The following PADI2 variants were observed in gnomAD, a reference collection of about 807,000 sequenced individuals.
The protein encoded by PADI2 is peptidyl arginine deiminase 2.
In PADI2, 70 loss-of-function variants were observed where a neutral mutation model predicts 81.1. The ratio of observed to expected loss-of-function variants is 0.86; its 90% confidence interval spans 0.71 to 1.05. The LOEUF (loss-of-function observed/expected upper bound fraction) is 1.05, where lower values mean the gene tolerates loss of function less well. PADI2 is among the 50% of genes least tolerant of loss of function. PADI2 has a pLI of 0.00. For missense variants in PADI2, 853 were observed against 889.9 expected, an observed-to-expected ratio of 0.96 and a Z score of 0.53; for synonymous variants, 338 against 358.0, an observed-to-expected ratio of 0.94 and a Z score of 0.63.
intron 6 of PADI2, among the ~76,000 whole-genome samples, chr1:17,090,524 T>C (rs1161778575): frequency 6.6e-6 from 1 of 151,746 alleles, no homozygotes; most frequent in Non-Finnish European, 1.5e-5. Flanking sequence ...AACTCCAAAG[T>C]GTTTGCCTGG....
chr1:17,075,023 G>GGGTCCTCAGCGC, intron 12 of PADI2, 74 bp from the exon 13 acceptor site: 1 of 913,042 alleles, frequency 1.1e-6, no homozygotes, highest in Non-Finnish European at 1.7e-6. Context: ...GCCCTGCGCT[G>GGGTCCTCAGCGC]AGGACCCAGT....
chr1:17,102,757 G>GGGT (rs1361714188), intron 3 of PADI2, among the ~76,000 whole-genome samples: 3 of 151,362 alleles, frequency 2.0e-5, no homozygotes, highest in South Asian at 2.1e-4. Flanking sequence ...CACTTGGGGG[G>GGGT]GGGTTGCTGA....
At chr1:17,118,424 A>C (rs1931828836) in intron 1 of PADI2, among the ~76,000 whole-genome samples, 1 of 152,134 alleles carries the variant, frequency 6.6e-6, no homozygotes, top group Admixed American at 6.5e-5. Context: ...ACACCTTTCC[A>C]AGGCCCCGTC....
At chr1:17,096,033 G>A in intron 3 of PADI2, 63 bp from the exon 4 acceptor site, 3 of 1,323,948 alleles carry the variant, frequency 2.3e-6, no homozygotes, top group Non-Finnish European at 3.2e-6. Context: ...AGGGGCAAGA[G>A]GAAGACCTGT....
intron 7 of PADI2, 59 bp from the exon 8 acceptor site, chr1:17,084,761 C>G (rs2078373188): frequency 9.4e-7 from 1 of 1,068,168 alleles, no homozygotes; most frequent in Non-Finnish European, 1.4e-6. Flanking sequence ...CTTTCTTTGC[C>G]TGCCTTTCAA....
chr1:17,089,786 C>T (rs1359479215), intron 6 of PADI2, among the ~76,000 whole-genome samples: 1 of 152,224 alleles, frequency 6.6e-6, no homozygotes, highest in African/African-American at 2.4e-5. Context: ...ACCAACAATG[C>T]CGCTCTATTG....
rs916627500 is a variant in PADI2 at position 17,068,599 on chromosome 1, G to A, written c.*445C>T. The A allele has an allele frequency of 5.2e-6, 1 of 192,010 alleles. No homozygotes were observed. The highest frequency in any genetic ancestry group is 1.1e-5 in the Non-Finnish European group (1 of 91,262). The allele number at this position is 192,010 out of a possible 1,614,324, so 11.9% of individuals were successfully genotyped here. Reference sequence around the variant, plus strand: ...AAATGACGATGGCAGTTCAAGATACGTCTAGGGTCCCGGGGTCCTGGGGTC... The same window carrying A: ...AAATGACGATGGCAGTTCAAGATACATCTAGGGTCCCGGGGTCCTGGGGTC... On this transcript the variant is annotated 3_prime_UTR_variant, in exon 16 of 16. Coordinates refer to ENST00000375486, the MANE Select transcript of PADI2 (RefSeq NM_007365.3).
chr1:17,110,895 T>C (rs1199167741), intron 1 of PADI2, among the ~76,000 whole-genome samples: 1 of 152,132 alleles, frequency 6.6e-6, no homozygotes, highest in East Asian at 1.9e-4. Context: ...TGGCCTAGTA[T>C]GGGCACACCG....
chr1:17,076,355 C>T (rs908993190), intron 11 of PADI2, among the ~76,000 whole-genome samples: 2 of 152,082 alleles, frequency 1.3e-5, no homozygotes, highest in African/African-American at 4.8e-5. Flanking sequence ...GCTGGGACTA[C>T]AGGCGTGTGC....
At chr1:17,117,010 G>A (rs569912637) in intron 1 of PADI2, among the ~76,000 whole-genome samples, 1 of 152,328 alleles carries the variant, frequency 6.6e-6, no homozygotes, top group South Asian at 2.1e-4. Context: ...CAACATTTTT[G>A]GTTGTCACAA....
chr1:17,079,644 G>A (rs2078329640), intron 10 of PADI2, among the ~76,000 whole-genome samples: 1 of 152,010 alleles, frequency 6.6e-6, no homozygotes. Context: ...GTGAGTGTGA[G>A]AGTGAGTGTG....
At position 17,084,621 on chromosome 1, in the gene PADI2, G is replaced by A. The variant is rs867030481; in HGVS notation, c.916C>T (p.Pro306Ser). The A allele has an allele frequency of 6.3e-7, 1 of 1,583,360 alleles. No homozygotes were observed. The highest frequency in any genetic ancestry group is 1.2e-5 in the South Asian group (1 of 86,326). Residue 306 changes from proline to serine, a missense_variant, in exon 8 of 16, where the codon CCC (proline) becomes TCC (serine). Pro to Ser is a moderately conservative substitution (Grantham distance 74). Transcript: ENST00000375486. ...PWIMTPNILP[P>S]VSVFVCCMKD... is the part of the protein sequence containing the mutation. ...TACCAGCACACAAACACCGACACGG[G>A]AGGCAGGATGTTGGGGGTCATGATC...
intron 2 of PADI2, among the ~76,000 whole-genome samples, chr1:17,104,126 C>A (rs937774042): frequency 3.3e-4 from 44 of 133,776 alleles, no homozygotes; most frequent in Middle Eastern, 3.9e-3. Flanking sequence ...ACTAAAAATA[C>A]AAAAAAAAAA....
In PADI2 at chr1:17,084,609, A is replaced by T. The variant is rs748370504; in HGVS notation, c.928T>A (p.Phe310Ile). The change falls in exon 8 of 16, where the codon TTT becomes ATT. Residue 310 changes from phenylalanine (F) to isoleucine (I), a missense_variant. Phe to Ile is a conservative substitution (Grantham distance 21). Transcript: ENST00000375486. ...TPNILPPVSV[F>I]VCCMKDNYLF... ...GGGGTCACCCCTTACCAGCACACAA[A>T]CACCGACACGGGAGGCAGGATGTTG... 1.9e-6 allele frequency: 3 copies of T among 1,581,490 alleles called. No individual in the cohort carries two copies. Among genetic ancestry groups the T allele is most frequent in the Non-Finnish European group, 1.7e-6 (2 of 1,163,358 alleles).
At chr1:17,103,707 T>C (rs925758330) in intron 2 of PADI2, among the ~76,000 whole-genome samples, 1 of 151,984 alleles carries the variant, frequency 6.6e-6, no homozygotes, top group Non-Finnish European at 1.5e-5. Flanking sequence ...AATGCGGCTA[T>C]TCTGAACGGA....
rs1279920081 is a variant in PADI2 at position 17,086,521 on chromosome 1, C to A, written c.834G>T (p.Gln278His). ...TGTGGTGGAGGCCTGGAGCCCTCAC[C>A]TGGGCCATGTACTCCAGCAGGCTGA... is the stretch of plus-strand genomic sequence containing the variant. ...IHVSLLEYMA[Q>H]DIPLTPIFTD... The change falls in exon 7 of 16, where the codon CAG (glutamine) becomes CAT (histidine). Residue 278 changes from glutamine to histidine, a missense_variant and splice_region_variant. Coordinates refer to ENST00000375486, the MANE Select transcript of PADI2 (RefSeq NM_007365.3). 2 of 1,611,912 alleles carry A rather than the reference C, an allele frequency of 1.2e-6. No homozygotes were observed. The highest frequency in any genetic ancestry group is 1.7e-6 in the Non-Finnish European group (2 of 1,179,090).
At chr1:17,085,861 T>A (rs1930367931) in intron 7 of PADI2, among the ~76,000 whole-genome samples, 1 of 152,208 alleles carries the variant, frequency 6.6e-6, no homozygotes, top group African/African-American at 2.4e-5. Flanking sequence ...CCTTTTTTTC[T>A]GAGCGAAACA....
At chr1:17,113,095 C>T (rs193069314) in intron 1 of PADI2, among the ~76,000 whole-genome samples, 2 of 152,278 alleles carry the variant, frequency 1.3e-5, no homozygotes, top group Non-Finnish European at 2.9e-5. Flanking sequence ...ATCTCTCCCT[C>T]CATTTATTGG....
chr1:17,071,827 C>A lies in PADI2; in HGVS notation c.1550-336G>T, dbSNP rs996389809. 2.6e-5 allele frequency among the ~76,000 whole-genome samples: 4 copies of A among 152,184 alleles called. No individual in the cohort carries two copies. The South Asian group carries it at 8.3e-4, about 32-fold the overall frequency. ...CCTACAGCCTACTCCTAAGGATGAGCAGCTGACCAGCATGAATGTGGCAGA... is the reference window on the plus strand; with the variant it reads ...CCTACAGCCTACTCCTAAGGATGAGAAGCTGACCAGCATGAATGTGGCAGA... On this transcript the variant is annotated intron_variant, in intron 13 of 15. Transcript: ENST00000375486.
Sources: gnomAD v4.1 joint callset for allele counts (sites outside exome capture counted in the v4.1 genomes callset) on GRCh38, gnomAD v4.1.1 for gene constraint, MANE v1.5 for transcripts, NCBI Gene and HGNC (gene_info 2026-07-23, HGNC 2026-07-21) for gene names.